The following PRKN variants were observed in gnomAD, a reference collection of about 807,000 sequenced individuals.
PRKN encodes E3 ubiquitin-protein ligase parkin.
PRKN carries 56 observed loss-of-function variants against 59.5 expected under a neutral mutation model. The ratio of observed to expected loss-of-function variants is 0.94; its 90% CI spans 0.76 to 1.18. The LOEUF is 1.18. Among genes scored for constraint, PRKN ranks in the 50% most tolerant of loss-of-function variants. The pLI is 0.00. For missense variants in PRKN, 657 were observed against 596.4 expected (o/e 1.10, Z -1.06); for synonymous variants, 250 against 222.1 (o/e 1.13, Z -1.12).
At chr6:162,202,575 G>A (rs1784776534) in intron 3 of PRKN, among the ~76,000 whole-genome samples, 1 of 152,122 alleles carries the variant, frequency 6.6e-6, no homozygotes. Flanking sequence ...ACTATTTTCT[G>A]ACACTTCTGT....
chr6:162,027,902 T>C (rs1219096811), intron 5 of PRKN, among the ~76,000 whole-genome samples: 1 of 151,750 alleles, frequency 6.6e-6, no homozygotes, highest in Admixed American at 6.6e-5. Context: ...GAAGGAGGAA[T>C]AGATTAATTA....
rs545261202 is a variant in PRKN at position 161,576,451 on chromosome 6, C to T, written c.872-7035G>A. Reference sequence around the variant, plus strand: ...GAGATATGGAATAGAATATTTACTGCGACATTTTTGTAATAACAGCAACAA... The same window carrying T: ...GAGATATGGAATAGAATATTTACTGTGACATTTTTGTAATAACAGCAACAA... On this transcript the variant is annotated intron_variant, in intron 7 of 11. Coordinates refer to ENST00000366898, the MANE Select transcript of PRKN (RefSeq NM_004562.3). The surrounding 1 kb of genome is among the most constrained non-coding windows in gnomAD (Gnocchi z 4.6). Among the ~76,000 whole-genome samples, 6 of 152,238 alleles carry T rather than the reference C, an allele frequency of 3.9e-5. No individual in the cohort carries two copies. In the South Asian group the frequency reaches 1.0e-3, roughly 26 times the overall value.
intron 7 of PRKN, among the ~76,000 whole-genome samples, chr6:161,694,508 C>A (rs1234943604): frequency 6.6e-6 from 1 of 151,956 alleles, no homozygotes; most frequent in East Asian, 1.9e-4. Flanking sequence ...GCAAAGGTCA[C>A]TATGGATTTT....
chr6:162,440,436 AAAG>A lies in PRKN; in HGVS notation c.171+2871_171+2873del, dbSNP rs1789997729. On this transcript the variant is annotated intron_variant, in intron 2 of 11. Coordinates refer to ENST00000366898, the MANE Select transcript of PRKN (RefSeq NM_004562.3). ...AGGCACTAAAACTAATTTCCTCCTC[AAAG>A]AAGGTGAAACTAAGTGTGAGAGATA... Among the ~76,000 whole-genome samples, 4 of 152,184 alleles carry A rather than the reference AAAG, an allele frequency of 2.6e-5. 1 individual carries two copies. In the South Asian group the frequency reaches 8.3e-4, roughly 31 times the overall value.
At chr6:161,739,380 C>A (rs1788098260) in intron 7 of PRKN, among the ~76,000 whole-genome samples, 1 of 152,030 alleles carries the variant, frequency 6.6e-6, no homozygotes, top group African/African-American at 2.4e-5. Context: ...TGCACTCCAG[C>A]CTGGGCGACA....
intron 7 of PRKN, among the ~76,000 whole-genome samples, chr6:161,704,779 C>T (rs566182819): frequency 1.3e-5 from 2 of 152,294 alleles, no homozygotes; most frequent in Admixed American, 6.5e-5. Context: ...TTCTTCCCAT[C>T]ACCCAGGGCT....
chr6:162,524,462 T>C (rs1294360702), intron 1 of PRKN, among the ~76,000 whole-genome samples: 1 of 152,204 alleles, frequency 6.6e-6, no homozygotes, highest in East Asian at 1.9e-4. Context: ...GGACTAAGAG[T>C]GACCTGTCAT....
chr6:162,323,915 A>G (rs1194079273), intron 2 of PRKN, among the ~76,000 whole-genome samples: 3 of 152,088 alleles, frequency 2.0e-5, no homozygotes, highest in Non-Finnish European at 2.9e-5. Context: ...GCATATGTCT[A>G]TTCAATAATT....
chr6:162,359,406 C>T (rs1036262915), intron 2 of PRKN, among the ~76,000 whole-genome samples: 1 of 151,940 alleles, frequency 6.6e-6, no homozygotes, highest in Non-Finnish European at 1.5e-5. Context: ...TGTTAACTCA[C>T]CTTGTCCAAA....
At chr6:162,342,824 A>C (rs1235200264) in intron 2 of PRKN, among the ~76,000 whole-genome samples, 1 of 152,196 alleles carries the variant, frequency 6.6e-6, no homozygotes, top group East Asian at 1.9e-4. Context: ...TTGGCTTCTA[A>C]TCCCTAACGT....
intron 1 of PRKN, among the ~76,000 whole-genome samples, chr6:162,698,322 T>C (rs1288401539): frequency 6.6e-6 from 1 of 152,194 alleles, no homozygotes. Context: ...CAGCCAGGAC[T>C]GACCACATGA....
chr6:161,609,374 G>T (rs1782404115), intron 7 of PRKN, among the ~76,000 whole-genome samples: 1 of 151,978 alleles, frequency 6.6e-6, no homozygotes, highest in Non-Finnish European at 1.5e-5. Context: ...CATTAACAGT[G>T]TTTTTTTATT....
chr6:162,283,349 C>G (rs762403096), intron 2 of PRKN, among the ~76,000 whole-genome samples: 4 of 151,990 alleles, frequency 2.6e-5, no homozygotes, highest in Non-Finnish European at 5.9e-5. Flanking sequence ...AATCATATTT[C>G]AATCCAACTG....
chr6:161,398,753 C>A (rs1441323904), intron 9 of PRKN, among the ~76,000 whole-genome samples: 1 of 152,196 alleles, frequency 6.6e-6, no homozygotes, highest in Non-Finnish European at 1.5e-5. Flanking sequence ...ACAGAGTTCA[C>A]AGTCAGCTGT....
chr6:162,241,445 G>A (rs975205949), intron 3 of PRKN, among the ~76,000 whole-genome samples: 2 of 152,040 alleles, frequency 1.3e-5, no homozygotes, highest in African/African-American at 4.8e-5. Flanking sequence ...TTCAAGTAGA[G>A]ATAAGATCAT....
intron 1 of PRKN, among the ~76,000 whole-genome samples, chr6:162,464,786 G>A (rs966580949): frequency 1.3e-5 from 2 of 151,064 alleles, no homozygotes; most frequent in Non-Finnish European, 2.9e-5. Flanking sequence ...CCGAGATCGC[G>A]CCACTGCACT....
In PRKN at chr6:161,526,120, C is replaced by T. The variant is rs1779007259; in HGVS notation, c.1083+22734G>A. 6.6e-6 allele frequency among the ~76,000 whole-genome samples: 1 copy of T among 152,064 alleles called. No individual in the cohort carries two copies. The highest frequency in any genetic ancestry group is 2.4e-5 in the African/African-American group (1 of 41,404). On this transcript the variant is annotated intron_variant, in intron 9 of 11. Coordinates refer to ENST00000366898, the MANE Select transcript of PRKN (RefSeq NM_004562.3). The surrounding 1 kb of genome is among the most constrained non-coding windows in gnomAD (Gnocchi z 4.1). ...GGCTGATAAACCAGCTCTTTTCCAA[C>T]CTTCCTAAAAAAAAAGGTCAGTCCC...
At chr6:162,106,132 A>C (rs1054675782) in intron 4 of PRKN, among the ~76,000 whole-genome samples, 7 of 152,252 alleles carry the variant, frequency 4.6e-5, no homozygotes, top group African/African-American at 1.4e-4. Flanking sequence ...TATGTCGTTC[A>C]AAGTAACAAT....
rs1054896163 is a variant in PRKN at position 161,914,656 on chromosome 6, C to A, written c.734+58646G>T. On this transcript the variant is annotated intron_variant, in intron 6 of 11. Transcript: ENST00000366898. The stretch of plus-strand genomic sequence containing the variant: ...GGAGGTCTGTTGATCTTAATCTACA[C>A]TTTGGCCTCATACATGGATATAGCG... Among the ~76,000 whole-genome samples, 16 of 152,194 alleles carry A rather than the reference C, an allele frequency of 1.1e-4. 4 individuals are homozygous for A. Among genetic ancestry groups the A allele is most frequent in the Admixed American group, 9.8e-4 (15 of 15,270 alleles).
Sources: allele counts gnomAD v4.1 joint callset (sites outside exome capture counted in the v4.1 genomes callset), GRCh38; gene constraint gnomAD v4.1.1; non-coding constraint Gnocchi (gnomAD v3.1); transcripts MANE v1.5; gene names NCBI Gene and HGNC (gene_info 2026-07-23, HGNC 2026-07-21).